Variants in SRD5A2 observed in about 807,000 individuals in gnomAD.
SRD5A2 encodes the protein steroid 5 alpha-reductase 2.
Under a neutral mutation model 27.4 loss-of-function variants are expected in SRD5A2, and 30 were observed. The observed-to-expected ratio is 1.10, with a 90% CI of 0.82 to 1.49. SRD5A2 has a LOEUF of 1.49. Among genes scored for constraint, SRD5A2 ranks in the 40% most tolerant of loss-of-function variants. SRD5A2 has a pLI of 0.00. For synonymous variants in SRD5A2, 141 were observed against 133.6 expected (o/e 1.06, Z -0.38); for missense variants, 348 against 323.4 (o/e 1.08, Z -0.58).
the SRD5A2 span, among the ~76,000 whole-genome samples, chr2:31,662,847 T>A: frequency 1.3e-5 from 2 of 152,146 alleles, no homozygotes; most frequent in African/African-American, 4.8e-5. Flanking sequence ...CTAAGTTTCT[T>A]GCAGTCTTAC....
chr2:31,629,983 G>A, the SRD5A2 span, among the ~76,000 whole-genome samples: 46 of 152,190 alleles, frequency 3.0e-4, no homozygotes, highest in Non-Finnish European at 6.5e-4. Flanking sequence ...AACCCAGAGA[G>A]TCCTGTCCCT....
At chr2:31,614,155 A>G in the SRD5A2 span, among the ~76,000 whole-genome samples, 1 of 152,236 alleles carries the variant, frequency 6.6e-6, no homozygotes, top group Non-Finnish European at 1.5e-5. Context: ...CCAAAGTCTT[A>G]TCTGAGACAT....
chr2:31,612,612 A>T, the SRD5A2 span, among the ~76,000 whole-genome samples: 2 of 152,252 alleles, frequency 1.3e-5, no homozygotes, highest in Non-Finnish European at 2.9e-5. Flanking sequence ...CTGCATATTT[A>T]ATGCAATTTG....
the SRD5A2 span, among the ~76,000 whole-genome samples, chr2:31,646,568 T>A: frequency 1.3e-5 from 2 of 152,124 alleles, no homozygotes; most frequent in Non-Finnish European, 2.9e-5. Context: ...CATCTAGGTA[T>A]GAGAATGGTT....
the SRD5A2 span, among the ~76,000 whole-genome samples, chr2:31,612,592 C>A: frequency 9.9e-5 from 15 of 152,200 alleles, no homozygotes; most frequent in East Asian, 2.7e-3. Flanking sequence ...TCTACACTAA[C>A]CAAAGTAATC....
chr2:31,580,518 C>G, intron 1 of SRD5A2, 102 bp downstream of exon 1: 1 of 1,365,480 alleles, frequency 7.3e-7, no homozygotes, highest in South Asian at 1.5e-5. Flanking sequence ...GCGCCCCACG[C>G]TGCCTCCTTG....
upstream of SRD5A2, among the ~76,000 whole-genome samples, chr2:31,582,118 C>T (rs1304383350): frequency 6.6e-6 from 1 of 152,300 alleles, no homozygotes; most frequent in Non-Finnish European, 1.5e-5. Flanking sequence ...ATTACTTTAT[C>T]CCTGTTTTCT....
At chr2:31,552,152 C>G (rs1174170632) in intron 1 of SRD5A2, among the ~76,000 whole-genome samples, 2 of 150,632 alleles carry the variant, frequency 1.3e-5, no homozygotes, top group Non-Finnish European at 3.0e-5. Flanking sequence ...AAACATCAAG[C>G]TAACAATAAT....
chr2:31,619,977 C>A, the SRD5A2 span, among the ~76,000 whole-genome samples: 1 of 152,050 alleles, frequency 6.6e-6, no homozygotes, highest in African/African-American at 2.4e-5. Flanking sequence ...GTTCTTGTTA[C>A]AATTGCTTTT....
At chr2:31,573,364 A>C (rs1013445779) in intron 1 of SRD5A2, among the ~76,000 whole-genome samples, 3 of 152,186 alleles carry the variant, frequency 2.0e-5, no homozygotes, top group African/African-American at 7.2e-5. Flanking sequence ...GGGTTTTTAA[A>C]ATTTAGAGCT....
intron 4 of SRD5A2, chr2:31,527,591 C>A (rs1208747342): frequency 1.3e-5 from 2 of 152,202 alleles, no homozygotes; most frequent in Non-Finnish European, 2.9e-5. Context: ...CTCCCCTAAC[C>A]AAGCACAGTA....
chr2:31,525,608 T>C lies in SRD5A2; in HGVS notation c.*588A>G, dbSNP rs977334726. On this transcript the variant is annotated 3_prime_UTR_variant, in exon 5 of 5. Transcript: ENST00000622030. Reference sequence around the variant, plus strand: ...AATGAGGTCAATGCATCAGTATCTTTTCAGCACTATGAGGAGAGGGCTCCT... The same window carrying C: ...AATGAGGTCAATGCATCAGTATCTTCTCAGCACTATGAGGAGAGGGCTCCT... 2.2e-5 allele frequency: 5 copies of C among 226,996 alleles called. No individual in the cohort carries two copies. The highest frequency in any genetic ancestry group is 1.1e-4 in the African/African-American group (5 of 44,930). The allele number at this position is 226,996 out of a possible 1,614,324, so 14.1% of individuals were successfully genotyped here.
chr2:31,591,458 G>A, the SRD5A2 span, among the ~76,000 whole-genome samples: 1 of 151,996 alleles, frequency 6.6e-6, no homozygotes, highest in Non-Finnish European at 1.5e-5. Flanking sequence ...AGAGGATGTG[G>A]AGAAATAGGA....
chr2:31,556,972 C>T (rs181987379), intron 1 of SRD5A2, among the ~76,000 whole-genome samples: 1 of 152,204 alleles, frequency 6.6e-6, no homozygotes, highest in East Asian at 1.9e-4. Flanking sequence ...TTATAACAAC[C>T]CTAGGAGATA....
chr2:31,532,739 C>T (rs1665939041), intron 2 of SRD5A2, among the ~76,000 whole-genome samples: 1 of 152,120 alleles, frequency 6.6e-6, no homozygotes, highest in South Asian at 2.1e-4. Flanking sequence ...GGATTTTCCA[C>T]CTTGCCTAGT....
At chr2:31,559,067 C>A (rs559599705) in intron 1 of SRD5A2, among the ~76,000 whole-genome samples, 2 of 152,136 alleles carry the variant, frequency 1.3e-5, no homozygotes, top group Non-Finnish European at 2.9e-5. Flanking sequence ...ATGGCTGGGC[C>A]CCACCACCAT....
At chr2:31,598,591 G>C in the SRD5A2 span, among the ~76,000 whole-genome samples, 1 of 151,634 alleles carries the variant, frequency 6.6e-6, no homozygotes, top group Non-Finnish European at 1.5e-5. Context: ...AAATAATGTT[G>C]TTATCCGCTT....
upstream of SRD5A2, among the ~76,000 whole-genome samples, chr2:31,581,279 C>G (rs988601141): frequency 6.6e-6 from 1 of 152,172 alleles, no homozygotes. Context: ...TGGGGTGGTT[C>G]TTCCGCCCCA....
At chr2:31,624,133 T>C in the SRD5A2 span, among the ~76,000 whole-genome samples, 1 of 152,068 alleles carries the variant, frequency 6.6e-6, no homozygotes, top group Non-Finnish European at 1.5e-5. Context: ...TATATATTTA[T>C]GGGGTACATG....
Sources: allele counts gnomAD v4.1 joint callset (sites outside exome capture counted in the v4.1 genomes callset), GRCh38; gene constraint gnomAD v4.1.1; transcripts MANE v1.5; gene names NCBI Gene and HGNC (gene_info 2026-07-23, HGNC 2026-07-21).